KCNIP4: variants seen among roughly 807,000 people sequenced by gnomAD.
The protein encoded by KCNIP4 is potassium voltage-gated channel interacting protein 4, also known as Kv channel-interacting protein 4.
KCNIP4 carries 12 observed loss-of-function variants against 34.0 expected under a neutral mutation model. The ratio of observed to expected loss-of-function variants is 0.35; its 90% confidence interval spans 0.23 to 0.57. The LOEUF is 0.57. KCNIP4 is among the 20% of genes least tolerant of loss of function. KCNIP4 has a pLI of 0.83. For synonymous variants in KCNIP4, 124 were observed against 102.2 expected, an observed-to-expected ratio of 1.21 and a Z score of -1.29; for missense variants, 238 against 311.7, an observed-to-expected ratio of 0.76 and a Z score of 1.78.
chr4:21,123,059 A>T (rs35027894), intron 1 of KCNIP4, among the ~76,000 whole-genome samples: 2,097 of 152,094 alleles, frequency 0.014, 30 homozygotes, highest in Non-Finnish European at 0.021. Context: ...AAAAAAATAC[A>T]AAAAATTAAC....
chr4:21,370,842 TATATATATACACAC>T lies in KCNIP4; in HGVS notation c.62-488147_62-488134del, dbSNP rs1171624086. Among the ~76,000 whole-genome samples, 213 of 27,108 alleles carry T rather than the reference TATATATATACACAC, an allele frequency of 7.9e-3. 2 individuals are homozygous for T. The highest frequency in any genetic ancestry group is 0.01 in the Non-Finnish European group (181 of 17,486). The allele number at this position is 27,108 out of a possible 152,430, so 17.8% of individuals were successfully genotyped here. On this transcript the variant is annotated intron_variant, in intron 1 of 8. Transcript: ENST00000382152. ...ATATATATATATATATATATATATA[TATATATATACACAC>T]ACACACACACACACACACACACACA...
intron 1 of KCNIP4, among the ~76,000 whole-genome samples, chr4:21,074,191 G>A (rs1432695346): frequency 1.3e-5 from 2 of 152,080 alleles, no homozygotes; most frequent in Non-Finnish European, 2.9e-5. Context: ...TCTTTTGACT[G>A]GAATAGTTTC....
chr4:20,812,025 A>C (rs1028966036), intron 3 of KCNIP4, among the ~76,000 whole-genome samples: 3 of 152,128 alleles, frequency 2.0e-5, no homozygotes, highest in Non-Finnish European at 4.4e-5. Flanking sequence ...TTTTTCCCCC[A>C]CTGGGGTGTC....
chr4:21,586,666 C>T (rs114746000), intron 1 of KCNIP4, among the ~76,000 whole-genome samples: 3,485 of 152,180 alleles, frequency 0.023, 146 homozygotes, highest in African/African-American at 0.079. Context: ...GCAAACAAAA[C>T]TGATAGGACG....
At chr4:21,822,437 C>T (rs1722411664) in intron 1 of KCNIP4, among the ~76,000 whole-genome samples, 1 of 152,100 alleles carries the variant, frequency 6.6e-6, no homozygotes, top group Admixed American at 6.6e-5. Context: ...GGTACTAATC[C>T]AAAATGTCAT....
At chr4:21,513,661 T>G (rs1734521177) in intron 1 of KCNIP4, among the ~76,000 whole-genome samples, 1 of 152,250 alleles carries the variant, frequency 6.6e-6, no homozygotes, top group South Asian at 2.1e-4. Context: ...AGGCAGAACC[T>G]TCAGCCTTCA....
At chr4:21,108,056 A>G (rs145246275) in intron 1 of KCNIP4, among the ~76,000 whole-genome samples, 41,436 of 149,344 alleles carry the variant, frequency 0.28, 6,550 homozygotes, top group African/African-American at 0.4. Context: ...TTTCAACTTC[A>G]GTGAATCTGA....
chr4:20,854,717 A>C (rs1048609004), intron 2 of KCNIP4, among the ~76,000 whole-genome samples: 1 of 152,194 alleles, frequency 6.6e-6, no homozygotes, highest in Non-Finnish European at 1.5e-5. Flanking sequence ...TGGGCTACAA[A>C]ATAAAATGTT....
intron 1 of KCNIP4, among the ~76,000 whole-genome samples, chr4:21,114,476 GACTATCTTCAC>G (rs1293444978): frequency 6.6e-6 from 1 of 151,824 alleles, no homozygotes; most frequent in Admixed American, 6.6e-5. Flanking sequence ...AGTGAAGTAA[GACTATCTTCAC>G]TTTTCTTAAA....
intron 1 of KCNIP4, among the ~76,000 whole-genome samples, chr4:21,928,879 C>A (rs1029154322): frequency 1.4e-5 from 2 of 138,432 alleles, no homozygotes; most frequent in Non-Finnish European, 3.2e-5. Flanking sequence ...ATCAACCTAA[C>A]AACAACCTAA....
intron 1 of KCNIP4, among the ~76,000 whole-genome samples, chr4:21,334,072 CT>C (rs921688317): frequency 1.8e-4 from 28 of 151,378 alleles, no homozygotes; most frequent in Non-Finnish European, 3.2e-4. Flanking sequence ...AAAAACTCAT[CT>C]TTTTTTTTAA....
intron 1 of KCNIP4, among the ~76,000 whole-genome samples, chr4:21,671,295 A>G: frequency 6.6e-6 from 1 of 152,224 alleles, no homozygotes; most frequent in South Asian, 2.1e-4. Context: ...AGCCAGCCAC[A>G]TTTTAAAAAC....
chr4:21,615,336 C>T lies in KCNIP4; in HGVS notation c.61+333235G>A, dbSNP rs187643425. ...CGGGCGGATCACGAGGTCAGAAGAT[C>T]GAGACCATCCTGGCTAACACGGTGA... is the stretch of plus-strand genomic sequence containing the variant. On this transcript the variant is annotated intron_variant, in intron 1 of 8. Coordinates refer to ENST00000382152, the MANE Select transcript of KCNIP4 (RefSeq NM_025221.6). 2.9e-3 allele frequency among the ~76,000 whole-genome samples: 434 copies of T among 150,902 alleles called. 3 individuals carry two copies. Among genetic ancestry groups the T allele is most frequent in the African/African-American group, 9.9e-3 (409 of 41,174 alleles).
intron 1 of KCNIP4, among the ~76,000 whole-genome samples, chr4:21,652,115 G>T (rs1232246979): frequency 5.9e-5 from 9 of 152,098 alleles, no homozygotes; most frequent in African/African-American, 1.2e-4. Context: ...TAATCTTCTG[G>T]ATGGTAAATT....
intron 1 of KCNIP4, among the ~76,000 whole-genome samples, chr4:20,885,503 T>C (rs1725200163): frequency 2.0e-5 from 3 of 151,986 alleles, no homozygotes; most frequent in Admixed American, 1.3e-4. Context: ...AGCAGCACCC[T>C]TTCCATTACC....
At chr4:21,261,724 A>G (rs996915503) in intron 1 of KCNIP4, among the ~76,000 whole-genome samples, 2 of 152,086 alleles carry the variant, frequency 1.3e-5, no homozygotes, top group Admixed American at 1.3e-4. Flanking sequence ...TATTGGCTCT[A>G]CGTCTACAAT....
chr4:21,798,512 GAAAAAAAAA>G (rs3052679), intron 1 of KCNIP4, among the ~76,000 whole-genome samples: 1 of 102,554 alleles, frequency 9.8e-6, no homozygotes, highest in Admixed American at 1.1e-4. Context: ...AAGACCCTGG[GAAAAAAAAA>G]AAAAAAAAAA....
chr4:21,169,902 C>G (rs1182024925), intron 1 of KCNIP4, among the ~76,000 whole-genome samples: 1 of 152,062 alleles, frequency 6.6e-6, no homozygotes, highest in Non-Finnish European at 1.5e-5. Flanking sequence ...TTTCTTTTCT[C>G]TTAAGCTTTA....
chr4:21,290,658 AG>A (rs1763390566), intron 1 of KCNIP4, among the ~76,000 whole-genome samples: 2 of 152,228 alleles, frequency 1.3e-5, no homozygotes, highest in Admixed American at 1.3e-4. Context: ...AAATGAAACA[AG>A]GCTCTTGCCC....
Sources: allele counts gnomAD v4.1 joint callset (sites outside exome capture counted in the v4.1 genomes callset), GRCh38; gene constraint gnomAD v4.1.1; transcripts MANE v1.5; gene names NCBI Gene and HGNC (gene_info 2026-07-23, HGNC 2026-07-21).